Variants in PRKACB observed in about 807,000 individuals in gnomAD.
PRKACB encodes the protein protein kinase cAMP-activated catalytic subunit beta, also known as cAMP-dependent protein kinase catalytic subunit beta.
PRKACB carries 16 observed loss-of-function variants against 51.4 expected under a neutral mutation model. That is an observed-to-expected ratio of 0.31 (90% CI 0.21 to 0.47). The LOEUF (loss-of-function observed/expected upper bound fraction) is 0.47, where lower values mean the gene tolerates loss of function less well. Among genes scored for constraint, PRKACB ranks in the 20% least tolerant of loss-of-function variants. PRKACB has a pLI of 1.00. For missense variants in PRKACB, 309 were observed against 464.5 expected, an observed-to-expected ratio of 0.67 and a Z score of 3.08; for synonymous variants, 147 against 154.4, an observed-to-expected ratio of 0.95 and a Z score of 0.35.
chr1:84,106,535 G>A (rs1479118303), intron 1 of PRKACB, among the ~76,000 whole-genome samples: 1 of 152,058 alleles, frequency 6.6e-6, no homozygotes, highest in Non-Finnish European at 1.5e-5. Flanking sequence ...AAATAGCTAG[G>A]AATACAGCTA....
intron 1 of PRKACB, among the ~76,000 whole-genome samples, chr1:84,082,852 A>G (rs1161893306): frequency 6.6e-6 from 1 of 152,220 alleles, no homozygotes. Flanking sequence ...ATGCCAACCC[A>G]TCTTTCTGTC....
At chr1:84,117,218 G>A (rs1327195482) in intron 1 of PRKACB, among the ~76,000 whole-genome samples, 1 of 152,026 alleles carries the variant, frequency 6.6e-6, no homozygotes, top group Non-Finnish European at 1.5e-5. Flanking sequence ...GTAGTATTTT[G>A]TTGAGGATTT....
intron 8 of PRKACB, among the ~76,000 whole-genome samples, chr1:84,212,210 C>T (rs186628954): frequency 4.3e-4 from 65 of 152,188 alleles, no homozygotes; most frequent in African/African-American, 1.1e-3. Context: ...ATATGAATCC[C>T]TTGGAGATAA....
chr1:84,099,200 A>C (rs940421863), intron 1 of PRKACB, among the ~76,000 whole-genome samples: 7 of 152,272 alleles, frequency 4.6e-5, no homozygotes, highest in Admixed American at 2.0e-4. Context: ...ATAGTAAGAA[A>C]TATAAGTACA....
intron 1 of PRKACB, among the ~76,000 whole-genome samples, chr1:84,134,117 C>T (rs1652544150): frequency 6.6e-6 from 1 of 152,170 alleles, no homozygotes; most frequent in Non-Finnish European, 1.5e-5. Context: ...ACTGTCAAGC[C>T]ATTCCTCTGA....
At chr1:84,176,670 A>C (rs940141620) in intron 1 of PRKACB, among the ~76,000 whole-genome samples, 3 of 151,836 alleles carry the variant, frequency 2.0e-5, no homozygotes, top group African/African-American at 7.2e-5. Flanking sequence ...CTTAGTGCCC[A>C]TCCTTTAATG....
intron 1 of PRKACB, among the ~76,000 whole-genome samples, chr1:84,098,762 G>A (rs1649116960): frequency 1.3e-5 from 2 of 152,056 alleles, no homozygotes; most frequent in South Asian, 4.1e-4. Flanking sequence ...ATTTCACCAG[G>A]GTTCTGGTTT....
At chr1:84,221,441 A>G (rs12027198) in intron 9 of PRKACB, among the ~76,000 whole-genome samples, 2 of 149,508 alleles carry the variant, frequency 1.3e-5, no homozygotes, top group African/African-American at 4.9e-5. Context: ...TATTTCATTT[A>G]GTTGTGCTCT....
intron 1 of PRKACB, among the ~76,000 whole-genome samples, chr1:84,102,198 A>G (rs1571584037): frequency 6.6e-6 from 1 of 150,760 alleles, no homozygotes; most frequent in African/African-American, 2.4e-5. Context: ...GTGAAACCCC[A>G]TCTCTACTAA....
intron 1 of PRKACB, among the ~76,000 whole-genome samples, chr1:84,127,684 G>C (rs1305391271): frequency 6.6e-6 from 1 of 151,806 alleles, no homozygotes; most frequent in East Asian, 1.9e-4. Flanking sequence ...AATAAATTTA[G>C]TTCTTATTTT....
intron 9 of PRKACB, among the ~76,000 whole-genome samples, chr1:84,220,800 A>G (rs1351663858): frequency 6.6e-6 from 1 of 152,102 alleles, no homozygotes; most frequent in African/African-American, 2.4e-5. Context: ...CCACTTGATC[A>G]TGTTGTATTA....
intron 5 of PRKACB, among the ~76,000 whole-genome samples, chr1:84,193,908 ATGG>A (rs1212858087): frequency 6.6e-6 from 1 of 152,184 alleles, no homozygotes; most frequent in African/African-American, 2.4e-5. Flanking sequence ...TCATAAAATG[ATGG>A]TGGCAGACTC....
chr1:84,168,440 A>G (rs2100776208), intron 1 of PRKACB, among the ~76,000 whole-genome samples: 1 of 151,504 alleles, frequency 6.6e-6, no homozygotes, highest in East Asian at 1.9e-4. Flanking sequence ...ATCCTGGGTG[A>G]GAATCCTGGC....
At chr1:84,167,540 T>G (rs1206004116) in intron 1 of PRKACB, among the ~76,000 whole-genome samples, 1 of 151,596 alleles carries the variant, frequency 6.6e-6, no homozygotes, top group Non-Finnish European at 1.5e-5. Flanking sequence ...ACTACAACAA[T>G]TATTGTATTA....
At chr1:84,146,890 G>A (rs1055503012) in intron 1 of PRKACB, among the ~76,000 whole-genome samples, 1 of 151,956 alleles carries the variant, frequency 6.6e-6, no homozygotes, top group African/African-American at 2.4e-5. Flanking sequence ...AGAAATTCCT[G>A]TTTGATTAAA....
chr1:84,204,556 G>C, intron 8 of PRKACB: 1 of 1,586,312 alleles, frequency 6.3e-7, no homozygotes, highest in South Asian at 1.1e-5. Context: ...TGAAGAATTT[G>C]AGAAGTGTAG....
chr1:84,204,657 C>T, intron 8 of PRKACB: 1 of 1,106,830 alleles, frequency 9.0e-7, no homozygotes, highest in Non-Finnish European at 1.2e-6. Flanking sequence ...TTTACTAATA[C>T]AAAAACTAAG....
chr1:84,209,216 T>G (rs909356597), intron 8 of PRKACB, among the ~76,000 whole-genome samples: 8 of 152,222 alleles, frequency 5.3e-5, no homozygotes, highest in African/African-American at 1.9e-4. Flanking sequence ...GTCTCATGAC[T>G]CAGGACAATT....
At chr1:84,216,883 C>A (rs1011587151) in intron 9 of PRKACB, among the ~76,000 whole-genome samples, 6 of 152,158 alleles carry the variant, frequency 3.9e-5, no homozygotes, top group Non-Finnish European at 7.4e-5. Context: ...AAATGAAACT[C>A]CAAACCACTA....
Sources: allele counts gnomAD v4.1 joint callset (sites outside exome capture counted in the v4.1 genomes callset), GRCh38; gene constraint gnomAD v4.1.1; transcripts MANE v1.5; gene names NCBI Gene and HGNC (gene_info 2026-07-23, HGNC 2026-07-21).